Variants in TRPM5 observed in about 807,000 individuals in gnomAD.
The protein encoded by TRPM5 is MLSN1 and TRP-related.
In TRPM5, 121 loss-of-function variants were observed where a neutral mutation model predicts 124.9. The ratio of observed to expected loss-of-function variants is 0.97; its 90% CI spans 0.84 to 1.13. The LOEUF (loss-of-function observed/expected upper bound fraction) is 1.13. TRPM5 is among the 50% of genes most tolerant of loss of function. The pLI is 0.00. For synonymous variants in TRPM5, 781 were observed against 700.5 expected (o/e 1.11, Z -1.81); for missense variants, 1,643 against 1,589.1 (o/e 1.03, Z -0.58).
At chr11:2,414,009 G>GGGGGGGCCCCCCCCCCCCCCCC in intron 12 of TRPM5, 52 bp downstream of exon 17, 87 of 1,023,548 alleles carry the variant, frequency 8.5e-5, no homozygotes, top group East Asian at 2.0e-4. Flanking sequence ...GGCCCAGCTC[G>GGGGGGGCCCCCCCCCCCCCCCC]CCCGCCCACC....
At chr11:2,429,453 G>A in the TRPM5 span, among the ~76,000 whole-genome samples, 1 of 151,860 alleles carries the variant, frequency 6.6e-6, no homozygotes, top group East Asian at 1.9e-4. This position sits in a 1 kb window ranked among gnomAD's most constrained non-coding sequence, Gnocchi z 8.4. Flanking sequence ...TGATGTTGGT[G>A]ATGGTGGTGA....
At chr11:2,428,271 G>T in the TRPM5 span, among the ~76,000 whole-genome samples, 10 of 152,192 alleles carry the variant, frequency 6.6e-5, no homozygotes, top group Non-Finnish European at 1.5e-4. This position sits in a 1 kb window ranked among gnomAD's most constrained non-coding sequence, Gnocchi z 4.0. Context: ...AGACTCCAAG[G>T]ACCCCCTGTT....
In TRPM5 at chr11:2,422,138, C is replaced by T. The variant is rs2133535877; in HGVS notation, c.298+3G>A. The T allele has an allele frequency of 6.3e-7, 1 of 1,593,334 alleles. No individual in the cohort carries two copies. Among genetic ancestry groups the T allele is most frequent in the Admixed American group, 1.7e-5 (1 of 58,754 alleles). ...GCGCTGCCTGTGCCGGGTGGGGCCT[C>T]ACCTGTGCTCTGAGCCGCCTTCACC... is the stretch of plus-strand genomic sequence containing the variant. On this transcript the variant is annotated splice_donor_region_variant and intron_variant, in intron 2 of 23. Coordinates refer to ENST00000155858, the Ensembl canonical transcript of TRPM5.
chr11:2,430,763 G>T, the TRPM5 span, among the ~76,000 whole-genome samples: 9 of 149,598 alleles, frequency 6.0e-5, no homozygotes, highest in Non-Finnish European at 1.2e-4. Flanking sequence ...TGGTGGTTTT[G>T]GTGGTGGTGA....
At chr11:2,425,092 G>C (rs1295522375), upstream of TRPM5, among the ~76,000 whole-genome samples, 6 of 152,214 alleles carry the variant, frequency 3.9e-5, no homozygotes, top group African/African-American at 1.4e-4. Context: ...GTGGTTTTCT[G>C]TGTTGGGAGC....
exon 8 of TRPM5, chr11:2,416,011 G>A: frequency 6.3e-7 from 1 of 1,594,682 alleles, no homozygotes; most frequent in Middle Eastern, 1.7e-4. Context: ...GCTCCTGGCT[G>A]TGGCTCTTGC....
chr11:2,406,529 C>T lies in TRPM5; in HGVS notation c.3251+132G>A, dbSNP rs1850326246. 9 of 1,275,744 alleles carry T rather than the reference C, an allele frequency of 7.1e-6. No homozygotes were observed. The East Asian group carries it at 7.1e-5, about 10-fold the overall frequency. The allele number at this position is 1,275,744 out of a possible 1,614,324, so 79.0% of individuals were successfully genotyped here. A position where few individuals can be genotyped will look rare whatever the true frequency, so the allele number is the denominator to read the frequency against. ...CAGGCTGGAAAGCTAGGCCCCTGGG[C>T]TCGGCCAGAGCCCTGCCCCTACCCC... On this transcript the variant is annotated intron_variant, in intron 21 of 23. Transcript: ENST00000155858.
exon 18 of TRPM5, chr11:2,411,481 C>G: frequency 1.9e-6 from 3 of 1,610,964 alleles, no homozygotes; most frequent in Non-Finnish European, 2.5e-6. Flanking sequence ...CCGTAGGCCA[C>G]GAGCCACACG....
At chr11:2,415,917 C>T (rs777778321) in exon 8 of TRPM5, 16 of 1,574,190 alleles carry the variant, frequency 1.0e-5, no homozygotes, top group East Asian at 7.0e-5. Flanking sequence ...TTCCACTCCA[C>T]GTCCCCATTG....
intron 18 of TRPM5, among the ~76,000 whole-genome samples, chr11:2,410,847 C>T (rs1378013089): frequency 6.6e-6 from 1 of 152,158 alleles, no homozygotes; most frequent in East Asian, 1.9e-4. Flanking sequence ...GCCTTGCCAG[C>T]AGGACGGCGT....
At chr11:2,433,542 G>A in the TRPM5 span, among the ~76,000 whole-genome samples, 3 of 152,040 alleles carry the variant, frequency 2.0e-5, no homozygotes, top group Non-Finnish European at 4.4e-5. Flanking sequence ...TGTGTGGAGC[G>A]GGCACTGGGC....
upstream of TRPM5, among the ~76,000 whole-genome samples, chr11:2,428,040 C>T (rs1266817546): frequency 6.6e-6 from 1 of 152,222 alleles, no homozygotes. The surrounding 1 kb of genome is among the most constrained non-coding windows in gnomAD (Gnocchi z 4.0). Flanking sequence ...ACTGTCCCTG[C>T]ATCCGGAGTC....
rs372902285 is a variant in TRPM5, at chr11:2,420,162, C to T, written c.649+60G>A. On this transcript the variant is annotated intron_variant, in intron 4 of 23. Coordinates refer to ENST00000155858, the Ensembl canonical transcript of TRPM5. ...GCGGTCACCCCCACTCTCCCACAGGCGGGTCCCTGGATCCCCACTGGGTCC... is the reference window on the plus strand; with the variant it reads ...GCGGTCACCCCCACTCTCCCACAGGTGGGTCCCTGGATCCCCACTGGGTCC... 22 of 1,526,092 alleles carry T rather than the reference C, an allele frequency of 1.4e-5. No homozygotes were observed. In the East Asian group the frequency reaches 1.6e-4, roughly 11 times the overall value. 94.5% of individuals were successfully genotyped at this position (1,526,092 alleles called of 1,614,324 possible).
the TRPM5 span, among the ~76,000 whole-genome samples, chr11:2,432,156 G>A: frequency 6.6e-6 from 1 of 152,222 alleles, no homozygotes; most frequent in Non-Finnish European, 1.5e-5. Context: ...CATGGGCACT[G>A]CTGCCAGGGG....
Position 2,422,150 on chromosome 11 carries a change from G to A in TRPM5, c.289C>T (p.Gln97Ter). ...CCGGGTGGGGCCTCACCTGTGCTCT[G>A]AGCCGCCTTCACCAGCCCCTTGCGC... is the stretch of plus-strand genomic sequence containing the variant. Residue 97 changes from glutamine to a stop codon, truncating the protein, a stop_gained, in exon 2 of 24, where the codon CAG (glutamine) becomes TAG (stop). Coordinates refer to ENST00000155858, the Ensembl canonical transcript of TRPM5. LOFTEE classifies it high-confidence loss of function. 1 of 1,605,874 alleles carries A rather than the reference G, an allele frequency of 6.2e-7. No individual in the cohort carries two copies. The highest frequency in any genetic ancestry group is 8.5e-7 in the Non-Finnish European group (1 of 1,176,634).
chr11:2,410,619 C>A (rs957500331), intron 18 of TRPM5: 9 of 446,350 alleles, frequency 2.0e-5, no homozygotes, highest in Non-Finnish European at 3.6e-5. Flanking sequence ...CCCCACCAAC[C>A]CATCACTACA....
chr11:2,406,878 G>A, intron 20 of TRPM5, 85 bp from the exon 26 acceptor site: 1 of 1,525,448 alleles, frequency 6.6e-7, no homozygotes, highest in South Asian at 1.3e-5. Context: ...GGCGAGGTGG[G>A]CCAGGCAGAA....
intron 19 of TRPM5, 40 bp downstream of exon 24, chr11:2,407,719 C>T (rs373219651): frequency 2.0e-5 from 32 of 1,605,632 alleles, no homozygotes; most frequent in East Asian, 6.7e-5. Context: ...CTGCTCCCTC[C>T]GCTCCAGGGC....
exon 24 of TRPM5, chr11:2,404,630 C>T: frequency 2.8e-6 from 1 of 362,094 alleles, no homozygotes; most frequent in Non-Finnish European, 5.1e-6. Flanking sequence ...GCCACAGGGC[C>T]AGCTTTTCCA....
Sources: gnomAD v4.1 joint callset for allele counts (sites outside exome capture counted in the v4.1 genomes callset) on GRCh38, gnomAD v4.1.1 for gene constraint, Gnocchi (gnomAD v3.1) non-coding constraint, MANE v1.5 for transcripts, NCBI Gene and HGNC (gene_info 2026-07-23, HGNC 2026-07-21) for gene names.